The following LPAR1 variants were observed in gnomAD, a reference collection of about 807,000 sequenced individuals.
LPAR1 encodes lysophosphatidic acid receptor 1.
LPAR1 carries 5 observed loss-of-function variants against 23.8 expected under a neutral mutation model. The ratio of observed to expected loss-of-function variants is 0.21; its 90% CI spans 0.11 to 0.44. The LOEUF (loss-of-function observed/expected upper bound fraction) is 0.44. Among genes scored for constraint, LPAR1 ranks in the 20% least tolerant of loss-of-function variants. LPAR1 has a pLI of 0.99. For synonymous variants in LPAR1, 160 were observed against 164.7 expected (o/e 0.97, Z 0.22); for missense variants, 311 against 482.8 (o/e 0.64, Z 3.33).
chr9:110,932,836 T>C (rs930044637), intron 5 of LPAR1, among the ~76,000 whole-genome samples: 4 of 152,320 alleles, frequency 2.6e-5, no homozygotes, highest in Non-Finnish European at 5.9e-5. Flanking sequence ...CTCCAACCCA[T>C]CTGTGGAAAA....
chr9:110,880,526 GAC>G lies in LPAR1; in HGVS notation c.794-4806_794-4805del, dbSNP rs550895997. ...GTCCTTGCCAGAGAAGACCTCTAGA[GAC>G]AGTGTCCAAGATTTTTGATGAAAAA... On this transcript the variant is annotated intron_variant, in intron 5 of 5. Transcript: ENST00000683809. Among the ~76,000 whole-genome samples the G allele has an allele frequency of 1.9e-3, 297 of 152,320 alleles. 2 individuals are homozygous for G. The highest frequency in any genetic ancestry group is 6.8e-3 in the African/African-American group (282 of 41,560).
chr9:110,935,670 G>A (rs1183263816), intron 5 of LPAR1, among the ~76,000 whole-genome samples: 1 of 152,152 alleles, frequency 6.6e-6, no homozygotes, highest in East Asian at 1.9e-4. Context: ...GGAGGAGGGT[G>A]ACCATTCATC....
At chr9:110,894,523 T>C (rs192460612) in intron 5 of LPAR1, among the ~76,000 whole-genome samples, 3 of 152,272 alleles carry the variant, frequency 2.0e-5, no homozygotes, top group African/African-American at 7.2e-5. Context: ...CTCCAAGAAA[T>C]GTGGATATTT....
chr9:110,975,848 C>A (rs969564145), intron 2 of LPAR1, among the ~76,000 whole-genome samples: 1 of 152,122 alleles, frequency 6.6e-6, no homozygotes, highest in Non-Finnish European at 1.5e-5. Flanking sequence ...CTAAAACATG[C>A]GACACGTCTA....
At chr9:110,927,739 T>C (rs889854208) in intron 5 of LPAR1, among the ~76,000 whole-genome samples, 2 of 152,096 alleles carry the variant, frequency 1.3e-5, no homozygotes, top group African/African-American at 4.8e-5. Context: ...TAACTCACAA[T>C]AGTAGATGGT....
chr9:110,991,140 T>C (rs2096885058), intron 2 of LPAR1, among the ~76,000 whole-genome samples: 1 of 152,146 alleles, frequency 6.6e-6, no homozygotes, highest in African/African-American at 2.4e-5. Context: ...GAGGAAAACA[T>C]AAGAGAAAAT....
intron 2 of LPAR1, among the ~76,000 whole-genome samples, chr9:111,025,095 T>G (rs1292149280): frequency 6.6e-6 from 1 of 152,220 alleles, no homozygotes; most frequent in Non-Finnish European, 1.5e-5. Context: ...AAATGGTATT[T>G]CTGGTTCTAG....
chr9:111,011,040 C>T (rs2097321920), intron 2 of LPAR1, among the ~76,000 whole-genome samples: 1 of 152,120 alleles, frequency 6.6e-6, no homozygotes, highest in Non-Finnish European at 1.5e-5. Context: ...AGAAACACTA[C>T]AAACTAAAAC....
At chr9:110,939,731 T>G (rs2094961402) in intron 5 of LPAR1, among the ~76,000 whole-genome samples, 1 of 152,174 alleles carries the variant, frequency 6.6e-6, no homozygotes, top group Non-Finnish European at 1.5e-5. Context: ...AAGGTCAAAA[T>G]TAAAACAAGA....
chr9:111,027,792 G>A (rs567718225), intron 2 of LPAR1, among the ~76,000 whole-genome samples: 2 of 146,642 alleles, frequency 1.4e-5, no homozygotes, highest in Non-Finnish European at 3.0e-5. Flanking sequence ...ACAGTCCACT[G>A]TGTGGATAAG....
intron 5 of LPAR1, among the ~76,000 whole-genome samples, chr9:110,904,893 G>A (rs1022450804): frequency 4.6e-5 from 7 of 152,194 alleles, no homozygotes; most frequent in African/African-American, 1.7e-4. Flanking sequence ...AATCCAAAGA[G>A]GATATTGTAT....
At chr9:110,895,010 C>G (rs1411746423) in intron 5 of LPAR1, among the ~76,000 whole-genome samples, 1 of 152,018 alleles carries the variant, frequency 6.6e-6, no homozygotes, top group Non-Finnish European at 1.5e-5. Context: ...AAAGCAAGAC[C>G]TAGTCTTAAA....
At chr9:110,926,701 T>TC (rs944418344) in intron 5 of LPAR1, among the ~76,000 whole-genome samples, 23 of 151,760 alleles carry the variant, frequency 1.5e-4, no homozygotes, top group African/African-American at 5.6e-4. Flanking sequence ...TTTGTGTTTT[T>TC]TTTCCCCTAA....
chr9:110,925,084 C>T (rs2093911885), intron 5 of LPAR1, among the ~76,000 whole-genome samples: 2 of 152,006 alleles, frequency 1.3e-5, no homozygotes, highest in Admixed American at 1.3e-4. Context: ...TTTGTTTTCC[C>T]ATCACACAAC....
chr9:111,013,906 C>A (rs2097384491), intron 2 of LPAR1, among the ~76,000 whole-genome samples: 1 of 152,096 alleles, frequency 6.6e-6, no homozygotes, highest in Admixed American at 6.5e-5. Context: ...ACCACTTAGC[C>A]CCTCATCATT....
At chr9:110,909,724 A>AG (rs1246299812) in intron 5 of LPAR1, among the ~76,000 whole-genome samples, 6 of 124,242 alleles carry the variant, frequency 4.8e-5, no homozygotes, top group African/African-American at 2.1e-4. Flanking sequence ...CATTTATTAA[A>AG]TAAAGTATTT....
intron 5 of LPAR1, among the ~76,000 whole-genome samples, chr9:110,906,785 T>G (rs1340277906): frequency 6.6e-6 from 1 of 152,114 alleles, no homozygotes; most frequent in Non-Finnish European, 1.5e-5. Flanking sequence ...ATACAAAACA[T>G]AACAAATATA....
At chr9:110,932,481 T>C (rs2094471040) in intron 5 of LPAR1, among the ~76,000 whole-genome samples, 1 of 152,268 alleles carries the variant, frequency 6.6e-6, no homozygotes, top group Non-Finnish European at 1.5e-5. Flanking sequence ...TCGTCATTTC[T>C]TCCATACATG....
At chr9:110,916,782 A>C (rs2093155581) in intron 5 of LPAR1, among the ~76,000 whole-genome samples, 1 of 152,186 alleles carries the variant, frequency 6.6e-6, no homozygotes, top group Non-Finnish European at 1.5e-5. Context: ...TTAACTAGAA[A>C]TTATAAAAAA....
Sources: allele counts gnomAD v4.1 joint callset (sites outside exome capture counted in the v4.1 genomes callset), GRCh38; gene constraint gnomAD v4.1.1; transcripts MANE v1.5; gene names NCBI Gene and HGNC (gene_info 2026-07-23, HGNC 2026-07-21).